The following AMPH variants were observed in gnomAD, a reference collection of about 807,000 sequenced individuals.
The protein encoded by AMPH is amphiphysin (Stiff-Mann syndrome with breast cancer 128kD autoantigen).
AMPH carries 49 observed loss-of-function variants against 99.1 expected under a neutral mutation model. The observed-to-expected ratio is 0.49, with a 90% CI of 0.39 to 0.63. The LOEUF is 0.63. Ranked by LOEUF, AMPH falls within the 20% of genes least tolerant of loss-of-function variation. The pLI, the probability that AMPH is intolerant of heterozygous loss-of-function variation, is 0.00. For synonymous variants in AMPH, 314 were observed against 317.3 expected, an observed-to-expected ratio of 0.99 and a Z score of 0.11; for missense variants, 759 against 863.4, an observed-to-expected ratio of 0.88 and a Z score of 1.52.
chr7:38,393,025 C>T (rs1784559724), intron 18 of AMPH, among the ~76,000 whole-genome samples: 1 of 152,198 alleles, frequency 6.6e-6, no homozygotes, highest in Non-Finnish European at 1.5e-5. Context: ...GGGAGTCTTT[C>T]TATATTCCCT....
In AMPH at chr7:38,429,834, T is replaced by C; in HGVS notation, c.1182+8A>G. The C allele has an allele frequency of 2.5e-6, 4 of 1,604,934 alleles. No homozygotes were observed. The highest frequency in any genetic ancestry group is 3.4e-6 in the Non-Finnish European group (4 of 1,177,600). On this transcript the variant is annotated splice_region_variant and intron_variant, in intron 14 of 20. Transcript: ENST00000356264. ...AAAAAATCCAGAATGATCTGGATAT[T>C]TACCTACCGGCTGTACCAAATCAGT...
chr7:38,558,178 G>A (rs879676929), intron 1 of AMPH, among the ~76,000 whole-genome samples: 18 of 152,268 alleles, frequency 1.2e-4, no homozygotes, highest in Middle Eastern at 6.8e-3. Context: ...GAATCTTCCT[G>A]AACACTCTAA....
At chr7:38,508,452 G>A (rs1051574186) in intron 2 of AMPH, among the ~76,000 whole-genome samples, 1 of 152,120 alleles carries the variant, frequency 6.6e-6, no homozygotes. Flanking sequence ...GTTATAAAAA[G>A]AAAAAGAAAG....
rs530256185 is a variant in AMPH, at chr7:38,402,239, G to C, written c.1399-8025C>G. Among the ~76,000 whole-genome samples the C allele has an allele frequency of 2.0e-5, 3 of 152,074 alleles. No homozygotes were observed. The South Asian group carries it at 6.2e-4, about 32-fold the overall frequency. ...TTCATCTTTTGTTTCACCTATCGAG[G>C]TCATCTTGAGTTTTACTGACAACAA... On this transcript the variant is annotated intron_variant, in intron 17 of 20. Transcript: ENST00000356264.
intron 7 of AMPH, among the ~76,000 whole-genome samples, chr7:38,474,535 T>C (rs187902256): frequency 1.3e-4 from 20 of 152,264 alleles, no homozygotes; most frequent in African/African-American, 1.2e-4. Flanking sequence ...GGTGGGTAAA[T>C]AGAAGCTCTA....
chr7:38,463,143 G>A (rs1021357655), intron 9 of AMPH, 30 bp from the exon 10 acceptor site: 20 of 1,613,704 alleles, frequency 1.2e-5, no homozygotes, highest in Non-Finnish European at 1.7e-5. Flanking sequence ...TGGGCAAGGG[G>A]CCTTCTCAAG....
chr7:38,422,342 G>T, intron 16 of AMPH, 79 bp downstream of exon 16: 1 of 1,194,892 alleles, frequency 8.4e-7, no homozygotes, highest in Non-Finnish European at 1.2e-6. Flanking sequence ...TCAAACTCTA[G>T]ACAGCCTAGA....
At chr7:38,415,555 C>T (rs75371212) in intron 17 of AMPH, among the ~76,000 whole-genome samples, 2 of 152,076 alleles carry the variant, frequency 1.3e-5, no homozygotes, top group Admixed American at 1.3e-4. Context: ...AAGGAAGAAG[C>T]TATAAATCTA....
intron 1 of AMPH, among the ~76,000 whole-genome samples, chr7:38,570,744 C>T (rs896720809): frequency 6.7e-6 from 1 of 149,446 alleles, no homozygotes; most frequent in African/African-American, 2.5e-5. Context: ...GCAGGTCCTT[C>T]AGGAGGTGTA....
chr7:38,532,800 T>C (rs773539353), intron 2 of AMPH, among the ~76,000 whole-genome samples: 1 of 151,036 alleles, frequency 6.6e-6, no homozygotes, highest in African/African-American at 2.4e-5. Context: ...CTTCCTGGCA[T>C]GACTGCATTA....
At chr7:38,605,548 T>A (rs192023346) in intron 1 of AMPH, among the ~76,000 whole-genome samples, 1 of 152,242 alleles carries the variant, frequency 6.6e-6, no homozygotes, top group East Asian at 1.9e-4. Context: ...TGGAGACTTA[T>A]AATGGTTTTC....
intron 5 of AMPH, among the ~76,000 whole-genome samples, chr7:38,489,673 T>C (rs1292381268): frequency 6.6e-6 from 1 of 151,936 alleles, no homozygotes; most frequent in Non-Finnish European, 1.5e-5. Context: ...CAGAGCTCAA[T>C]AGAAAAAATA....
At chr7:38,535,101 T>C (rs1790549482) in intron 1 of AMPH, 90 bp from the exon 2 acceptor site, 1 of 1,195,916 alleles carries the variant, frequency 8.4e-7, no homozygotes, top group Non-Finnish European at 1.2e-6. Flanking sequence ...GGCTGTTGTT[T>C]TGCTCTGAGG....
Position 38,626,160 on chromosome 7 carries a change from T to G in AMPH, c.69+5123A>C, listed in dbSNP as rs533450690. Among the ~76,000 whole-genome samples the G allele has an allele frequency of 7.4e-4, 113 of 152,334 alleles. 1 individual carries two copies. The highest frequency in any genetic ancestry group is 2.0e-3 in the African/African-American group (82 of 41,572). On this transcript the variant is annotated intron_variant, in intron 1 of 20. Coordinates refer to ENST00000356264, the MANE Select transcript of AMPH (RefSeq NM_001635.4). Reference sequence around the variant, plus strand: ...CAGGGGACTGTTATTTTTCTTTCTTTTTTTTAAATTTTACCTTAAGTTCTG... The same window carrying G: ...CAGGGGACTGTTATTTTTCTTTCTTGTTTTTAAATTTTACCTTAAGTTCTG...
chr7:38,628,255 A>T (rs577536257), intron 1 of AMPH, among the ~76,000 whole-genome samples: 7 of 152,230 alleles, frequency 4.6e-5, no homozygotes, highest in Non-Finnish European at 7.3e-5. Context: ...TGACATAGCT[A>T]AACATTGTTT....
chr7:38,474,246 AAAAAT>A (rs570230572), intron 7 of AMPH, among the ~76,000 whole-genome samples: 7 of 151,996 alleles, frequency 4.6e-5, no homozygotes, highest in Non-Finnish European at 8.8e-5. Context: ...ATGGCACCAA[AAAAAT>A]AAAATAAAAT....
chr7:38,631,352 G>A lies in AMPH; in HGVS notation c.-1C>T, dbSNP rs1794457453. 6.5e-7 allele frequency: 1 copy of A among 1,550,178 alleles called. No homozygotes were observed. Among genetic ancestry groups the A allele is most frequent in the African/African-American group, 1.4e-5 (1 of 71,146 alleles). On this transcript the variant is annotated 5_prime_UTR_variant, in exon 1 of 21. Transcript: ENST00000356264. ...AGATGCCCGTCTTGATGTCGGCCAT[G>A]GCTGCGGGTCCGGGGAGCTGCGAAG... is the stretch of plus-strand genomic sequence containing the variant.
At chr7:38,614,748 G>A (rs1012549853) in intron 1 of AMPH, among the ~76,000 whole-genome samples, 1 of 152,134 alleles carries the variant, frequency 6.6e-6, no homozygotes. Context: ...AAGGCCCCGA[G>A]GTAGAAGTGC....
intron 7 of AMPH, among the ~76,000 whole-genome samples, chr7:38,474,154 T>C (rs1331450900): frequency 2.6e-5 from 4 of 151,988 alleles, no homozygotes. Flanking sequence ...CACCAAAAAA[T>C]GATAGATTGA....
Sources: allele counts gnomAD v4.1 joint callset (sites outside exome capture counted in the v4.1 genomes callset), GRCh38; gene constraint gnomAD v4.1.1; transcripts MANE v1.5; gene names NCBI Gene and HGNC (gene_info 2026-07-23, HGNC 2026-07-21).